Variants in RAB11FIP1 observed in about 807,000 individuals in gnomAD.
RAB11FIP1 encodes RAB11 family interacting protein 1.
In RAB11FIP1, 49 loss-of-function variants were observed where a neutral mutation model predicts 83.1. The ratio of observed to expected loss-of-function variants is 0.59; its 90% CI spans 0.47 to 0.75. RAB11FIP1 has a LOEUF of 0.75. Among genes scored for constraint, RAB11FIP1 ranks in the 30% least tolerant of loss-of-function variants. The pLI, the probability that RAB11FIP1 is intolerant of heterozygous loss-of-function variation, is 0.00. For missense variants in RAB11FIP1, 1,536 were observed against 1,598.7 expected (o/e 0.96, Z 0.67); for synonymous variants, 670 against 656.0 (o/e 1.02, Z -0.33).
chr8:37,875,486 C>T lies in RAB11FIP1; in HGVS notation c.815-164G>A, dbSNP rs559609047. On this transcript the variant is annotated intron_variant, in intron 2 of 5. Coordinates refer to ENST00000330843, the MANE Select transcript of RAB11FIP1 (RefSeq NM_001002814.3). ...AGAGGACAAGGATGATACTGAACAT[C>T]TTACAACGTATAGCACAGCCCCCCA... Among the ~76,000 whole-genome samples the T allele has an allele frequency of 8.9e-4, 136 of 152,270 alleles. 1 individual carries two copies. Among genetic ancestry groups the T allele is most frequent in the African/African-American group, 2.8e-3 (115 of 41,552 alleles).
chr8:37,891,678 C>T (rs1806949015), intron 1 of RAB11FIP1, among the ~76,000 whole-genome samples: 1 of 152,196 alleles, frequency 6.6e-6, no homozygotes, highest in Non-Finnish European at 1.5e-5. Flanking sequence ...AGGCACAAGA[C>T]TCTTTTCTAT....
At position 37,872,316 on chromosome 8, in the gene RAB11FIP1, T is replaced by G; in HGVS notation, c.2486A>C (p.Glu829Ala). ...EAVAGAALLV[E>A]GHSSCPQELN... is the part of the protein sequence containing the mutation. The stretch of plus-strand genomic sequence containing the variant: ...CTCCTGGGGACAACTGCTGTGTCCT[T>G]CCACCAGCAAGGCAGCCCCCGCCAC... Residue 829 changes from glutamate (E) to alanine (A), a missense_variant, in exon 4 of 6, where the codon GAA becomes GCA. Transcript: ENST00000330843. 6.2e-7 allele frequency: 1 copy of G among 1,613,982 alleles called. No homozygotes were observed. The highest frequency in any genetic ancestry group is 8.5e-7 in the Non-Finnish European group (1 of 1,179,978).
rs146259943 is a variant in RAB11FIP1 at position 37,874,652 on chromosome 8, G to A, written c.1485C>T (p.Val495=). The change falls in exon 3 of 6, where the codon GTC becomes GTT. Residue 495 remains valine, a synonymous_variant. Coordinates refer to ENST00000330843, the MANE Select transcript of RAB11FIP1 (RefSeq NM_001002814.3). ...GGTTCAGGGAGCTGCCCTGTCTGGAGACAACAGCTGCAGTATCTTTCTCAG... is the reference window on the plus strand; with the variant it reads ...GGTTCAGGGAGCTGCCCTGTCTGGAAACAACAGCTGCAGTATCTTTCTCAG... ...RRSEKDTAAV[V]SRQGSSLNLF... The A allele has an allele frequency of 1.7e-5, 28 of 1,614,180 alleles. No individual in the cohort carries two copies. In the East Asian group the frequency reaches 5.8e-4, roughly 33 times the overall value.
intron 1 of RAB11FIP1, among the ~76,000 whole-genome samples, chr8:37,891,512 T>C (rs1806945606): frequency 6.6e-6 from 1 of 152,200 alleles, no homozygotes; most frequent in African/African-American, 2.4e-5. Flanking sequence ...TTAATAAGCA[T>C]GTGGATTGCT....
intron 1 of RAB11FIP1, among the ~76,000 whole-genome samples, chr8:37,882,419 C>T (rs1199364818): frequency 6.6e-6 from 1 of 152,130 alleles, no homozygotes; most frequent in Non-Finnish European, 1.5e-5. Flanking sequence ...CCTAATTTTG[C>T]TTTGAAGCTA....
chr8:37,872,286 T>C lies in RAB11FIP1; in HGVS notation c.2516A>G (p.Asn839Ser). The change falls in exon 4 of 6, where the codon AAC becomes AGC. Residue 839 changes from asparagine (N) to serine (S), a missense_variant. By Grantham distance (46) the Asn-to-Ser change is conservative (BLOSUM62 1). Coordinates refer to ENST00000330843, the MANE Select transcript of RAB11FIP1 (RefSeq NM_001002814.3). The stretch of plus-strand genomic sequence containing the variant: ...GTTTCCAGCAACAGACCATGCAGGG[T>C]TCAGCTCCTGGGGACAACTGCTGTG... ...EGHSSCPQEL[N>S]PAWSVAGNAS... 6.2e-7 allele frequency: 1 copy of C among 1,614,030 alleles called. No individual in the cohort carries two copies.
chr8:37,877,667 T>G, intron 1 of RAB11FIP1, 116 bp from the exon 2 acceptor site: 9 of 630,772 alleles, frequency 1.4e-5, no homozygotes, highest in Non-Finnish European at 1.7e-5. Flanking sequence ...AATGCATGCA[T>G]TCTCATGCTT....
In RAB11FIP1 at chr8:37,885,941, A is replaced by G. The variant is rs192952265; in HGVS notation, c.372-8390T>C. Among the ~76,000 whole-genome samples the G allele has an allele frequency of 1.8e-3, 269 of 152,312 alleles. 3 individuals are homozygous for G. Among genetic ancestry groups the G allele is most frequent in the African/African-American group, 6.1e-3 (253 of 41,564 alleles). The stretch of plus-strand genomic sequence containing the variant: ...GGGTCAGGGCAGCATGGCTCTTGCT[A>G]TGGGGAAATGAAAAGCCTTCCCGTG... On this transcript the variant is annotated intron_variant, in intron 1 of 5. Transcript: ENST00000330843.
rs746867622 is a variant in RAB11FIP1 at position 37,871,585 on chromosome 8, C to T, written c.3217G>A (p.Glu1073Lys). Reference protein sequence around the residue: ...DKQLPGPSGGEEEKPMGNGSP... With the variant: ...DKQLPGPSGGKEEKPMGNGSP... ...CCATTTCCCATCGGTTTTTCTTCCT[C>T]ACCACCACTGGGGCCTGGCAGCTGT... Residue 1073 changes from glutamate (E) to lysine (K), a missense_variant, in exon 4 of 6, where the codon GAG (glutamate) becomes AAG (lysine). By Grantham distance (56) the Glu-to-Lys change is moderately conservative. Coordinates refer to ENST00000330843, the MANE Select transcript of RAB11FIP1 (RefSeq NM_001002814.3). 6.0e-5 allele frequency: 96 copies of T among 1,599,250 alleles called. No individual in the cohort carries two copies. The highest frequency in any genetic ancestry group is 8.0e-5 in the Non-Finnish European group (94 of 1,170,876).
intron 2 of RAB11FIP1, 33 bp downstream of exon 2, chr8:37,877,076 A>C (rs1353698113): frequency 2.8e-5 from 41 of 1,484,438 alleles, no homozygotes; most frequent in Non-Finnish European, 3.6e-5. Context: ...AAGAGGAAGA[A>C]GAGAGGTCAA....
chr8:37,874,094 A>G (rs531793717), intron 3 of RAB11FIP1, among the ~76,000 whole-genome samples: 1 of 152,352 alleles, frequency 6.6e-6, no homozygotes, highest in African/African-American at 2.4e-5. Flanking sequence ...GGTCTCTCAT[A>G]CCAGAAACCA....
Position 37,862,780 on chromosome 8 carries a change from A to C in RAB11FIP1, c.*115T>G, listed in dbSNP as rs1806265246. 5 of 733,944 alleles carry C rather than the reference A, an allele frequency of 6.8e-6. No homozygotes were observed. Among genetic ancestry groups the C allele is most frequent in the Non-Finnish European group, 2.3e-6 (1 of 430,196 alleles). The allele number at this position is 733,944 out of a possible 1,614,324, so 45.5% of individuals were successfully genotyped here. ...ATTCACTCTTGCCGGATAACATGTG[A>C]GGGAGATGGTGATTCGGAGCCTGCT... On this transcript the variant is annotated 3_prime_UTR_variant, in exon 6 of 6. Coordinates refer to ENST00000330843, the MANE Select transcript of RAB11FIP1 (RefSeq NM_001002814.3).
chr8:37,883,660 G>C (rs117724583), intron 1 of RAB11FIP1, among the ~76,000 whole-genome samples: 22 of 152,290 alleles, frequency 1.4e-4, no homozygotes, highest in Non-Finnish European at 2.5e-4. Context: ...GTTTCTAAGT[G>C]TTACTGCCCA....
rs1299172782 is a variant in RAB11FIP1 at position 37,859,134 on chromosome 8, G to C, written c.*3761C>G. 1 of 152,224 alleles carries C rather than the reference G, an allele frequency of 6.6e-6. No homozygotes were observed. Among genetic ancestry groups the C allele is most frequent in the African/African-American group, 2.4e-5 (1 of 41,470 alleles). 9.4% of individuals were successfully genotyped at this position (152,224 alleles called of 1,614,324 possible). ...CGTCAGTTAAGTAGCTCACACAGTA[G>C]ATATGGAGACACCATATGGAGATAC... On this transcript the variant is annotated 3_prime_UTR_variant, in exon 6 of 6. Coordinates refer to ENST00000330843, the MANE Select transcript of RAB11FIP1 (RefSeq NM_001002814.3).
chr8:37,887,847 C>T (rs558726081), intron 1 of RAB11FIP1, among the ~76,000 whole-genome samples: 63 of 152,320 alleles, frequency 4.1e-4, no homozygotes, highest in African/African-American at 1.5e-3. Context: ...GTGCATTATA[C>T]ATTACTGGCT....
chr8:37,887,970 AAC>A (rs1563374106), intron 1 of RAB11FIP1, among the ~76,000 whole-genome samples: 1 of 152,250 alleles, frequency 6.6e-6, no homozygotes, highest in Non-Finnish European at 1.5e-5. Flanking sequence ...TTAGGATTTT[AAC>A]AGTTTTGACA....
At position 37,871,636 on chromosome 8, in the gene RAB11FIP1, G is replaced by A. The variant is rs1195527311; in HGVS notation, c.3166C>T (p.Leu1056Phe). The change falls in exon 4 of 6, where the codon CTT (leucine) becomes TTT (phenylalanine). Residue 1056 changes from leucine to phenylalanine, a missense_variant. Leu to Phe is a conservative substitution (Grantham distance 22). Transcript: ENST00000330843. The part of the protein sequence containing the change: ...TTEFGIHKPH[L>F]GKSSSLDKQL... ...TTATCCAAGCTTGAGCTCTTGCCAA[G>A]ATGTGGTTTGTGAATTCCGAACTCT... The A allele has an allele frequency of 6.2e-7, 1 of 1,609,014 alleles. No individual in the cohort carries two copies. Among genetic ancestry groups the A allele is most frequent in the Non-Finnish European group, 8.5e-7 (1 of 1,176,038 alleles).
intron 1 of RAB11FIP1, among the ~76,000 whole-genome samples, chr8:37,885,188 T>A (rs971659399): frequency 9.3e-5 from 14 of 151,336 alleles, no homozygotes; most frequent in African/African-American, 3.4e-4. Context: ...AGAGACGGGG[T>A]TTCACCGTGA....
intron 1 of RAB11FIP1, among the ~76,000 whole-genome samples, chr8:37,883,475 T>C (rs1806765382): frequency 6.6e-6 from 1 of 152,224 alleles, no homozygotes; most frequent in South Asian, 2.1e-4. Context: ...CAGCCAAGAA[T>C]TGTTTCTTTT....
Sources: gnomAD v4.1 joint callset for allele counts (sites outside exome capture counted in the v4.1 genomes callset) on GRCh38, gnomAD v4.1.1 for gene constraint, MANE v1.5 for transcripts, NCBI Gene and HGNC (gene_info 2026-07-23, HGNC 2026-07-21) for gene names.